The following NELL1 variants were observed in gnomAD, a reference collection of about 807,000 sequenced individuals.
NELL1 encodes neural EGFL like 1.
Under a neutral mutation model 107.4 loss-of-function variants are expected in NELL1, and 76 were observed. The ratio of observed to expected loss-of-function variants is 0.71; its 90% CI spans 0.59 to 0.86. NELL1 has a LOEUF of 0.86. NELL1 is among the 40% of genes least tolerant of loss of function. The pLI is 0.00. For synonymous variants in NELL1, 353 were observed against 341.2 expected, an observed-to-expected ratio of 1.03 and a Z score of -0.38; for missense variants, 1,024 against 1,005.5, an observed-to-expected ratio of 1.02 and a Z score of -0.25.
chr11:21,104,666 C>T (rs1854903871), intron 12 of NELL1, among the ~76,000 whole-genome samples: 1 of 152,166 alleles, frequency 6.6e-6, no homozygotes, highest in South Asian at 2.1e-4. Flanking sequence ...TGGTAATCAA[C>T]ACATCTGCTT....
intron 11 of NELL1, among the ~76,000 whole-genome samples, chr11:20,947,740 T>C (rs550766973): frequency 6.9e-4 from 105 of 152,304 alleles, no homozygotes; most frequent in African/African-American, 2.4e-3. Flanking sequence ...ATAATGCTAA[T>C]GTTAGTTCTT....
chr11:20,885,842 A>ATGATCCTCAAAATGTTGACCTCCCAATTC (rs1222277871), intron 5 of NELL1, among the ~76,000 whole-genome samples: 1 of 152,240 alleles, frequency 6.6e-6, no homozygotes, highest in Non-Finnish European at 1.5e-5. Context: ...CAGAAGGCAA[A>ATGATCCTCAAAATGTTGACCTCCCAATTC]TGATCCTCAA....
At chr11:20,674,497 A>G (rs958993111) in intron 1 of NELL1, 5 of 1,535,994 alleles carry the variant, frequency 3.3e-6, no homozygotes, top group Admixed American at 2.0e-5. Context: ...AGCAGAAGAT[A>G]TGAAGCCACC....
intron 14 of NELL1, among the ~76,000 whole-genome samples, chr11:21,358,962 C>G (rs1490070670): frequency 6.6e-6 from 1 of 151,874 alleles, no homozygotes; most frequent in Non-Finnish European, 1.5e-5. Flanking sequence ...TTTGGATGCC[C>G]TTTATTTCTT....
chr11:21,037,502 G>A (rs1345804183), intron 12 of NELL1, among the ~76,000 whole-genome samples: 1 of 152,022 alleles, frequency 6.6e-6, no homozygotes, highest in Non-Finnish European at 1.5e-5. Flanking sequence ...TTTCTGGTGG[G>A]CAGATAAATT....
intron 12 of NELL1, among the ~76,000 whole-genome samples, chr11:20,996,869 C>T (rs1852101798): frequency 6.6e-6 from 1 of 152,198 alleles, no homozygotes; most frequent in Admixed American, 6.5e-5. Context: ...TCCTTAACAC[C>T]TTTGTTCTCC....
At chr11:21,556,103 A>T (rs142170557) in intron 16 of NELL1, among the ~76,000 whole-genome samples, 185 of 152,068 alleles carry the variant, frequency 1.2e-3, no homozygotes, top group African/African-American at 4.3e-3. Context: ...TGCCACTGTA[A>T]AAAAAGCAAT....
chr11:21,045,694 CT>C (rs1478616544), intron 12 of NELL1, among the ~76,000 whole-genome samples: 1 of 152,104 alleles, frequency 6.6e-6, no homozygotes, highest in Non-Finnish European at 1.5e-5. Context: ...ATTTTCTTGG[CT>C]GTTTTCACCA....
At chr11:21,092,471 A>G (rs1854543676) in intron 12 of NELL1, among the ~76,000 whole-genome samples, 1 of 152,212 alleles carries the variant, frequency 6.6e-6, no homozygotes. Context: ...ATACATGTAA[A>G]GGGTGTAGAA....
At chr11:21,223,975 T>G (rs558394305) in intron 13 of NELL1, among the ~76,000 whole-genome samples, 2 of 152,320 alleles carry the variant, frequency 1.3e-5, no homozygotes, top group East Asian at 1.9e-4. Flanking sequence ...TTTCATCACT[T>G]TAAATGTATC....
chr11:20,735,242 G>C (rs976888595), intron 2 of NELL1, among the ~76,000 whole-genome samples: 5 of 152,160 alleles, frequency 3.3e-5, no homozygotes, highest in African/African-American at 1.2e-4. Flanking sequence ...GCTTGGGAAA[G>C]ATGAGGATTT....
At chr11:20,936,564 C>T (rs528790168) in intron 9 of NELL1, among the ~76,000 whole-genome samples, 3 of 152,274 alleles carry the variant, frequency 2.0e-5, no homozygotes, top group South Asian at 2.1e-4. Flanking sequence ...CCCTCAACAT[C>T]GAAGGGGGTC....
At chr11:21,374,568 A>T (rs1851426770) in intron 15 of NELL1, among the ~76,000 whole-genome samples, 1 of 152,108 alleles carries the variant, frequency 6.6e-6, no homozygotes, top group African/African-American at 2.4e-5. Flanking sequence ...GACTCACTCT[A>T]GCCCACACTC....
chr11:20,725,897 C>CTTCCTTCCTTCAACTCT (rs1855496918), intron 2 of NELL1, among the ~76,000 whole-genome samples: 1 of 152,190 alleles, frequency 6.6e-6, no homozygotes, highest in African/African-American at 2.4e-5. Context: ...TCAACTCTTT[C>CTTCCTTCCTTCAACTCT]TTCCTCCTTC....
At chr11:21,502,670 T>G (rs1296864710) in intron 15 of NELL1, among the ~76,000 whole-genome samples, 1 of 152,180 alleles carries the variant, frequency 6.6e-6, no homozygotes, top group African/African-American at 2.4e-5. Context: ...TTCAGACAGT[T>G]TTTAGCTTTA....
At position 20,708,096 on chromosome 11, in the gene NELL1, T is replaced by G. The variant is rs999106108; in HGVS notation, c.184+30036T>G. Among the ~76,000 whole-genome samples, 5 of 152,342 alleles carry G rather than the reference T, an allele frequency of 3.3e-5. No individual in the cohort carries two copies. In the East Asian group the frequency reaches 9.6e-4, roughly 29 times the overall value. On this transcript the variant is annotated intron_variant, in intron 2 of 19. Transcript: ENST00000357134. ...GCTGCTTTGCAGTTTGATCTCAGAC[T>G]GCTGTGCTAGTGGTGAGTGAGGCTG...
Position 21,560,314 on chromosome 11 carries a change from G to C in NELL1, c.1912G>C (p.Gly638Arg). The C allele has an allele frequency of 1.2e-6, 2 of 1,613,096 alleles. No individual in the cohort carries two copies. The highest frequency in any genetic ancestry group is 8.5e-7 in the Non-Finnish European group (1 of 1,179,524). The change falls in exon 17 of 20, where the codon GGG (glycine) becomes CGG (arginine). Residue 638 changes from glycine to arginine, a missense_variant. Coordinates refer to ENST00000357134, the MANE Select transcript of NELL1 (RefSeq NM_006157.5). ...PSCSGDCPHE[G>R]GLKHNGQVWT... Reference sequence around the variant, plus strand: ...CTGCTCTGGTGACTGTCCTCATGAAGGGGGGCTGAAGCACAATGGCCAGGT... The same window carrying C: ...CTGCTCTGGTGACTGTCCTCATGAACGGGGGCTGAAGCACAATGGCCAGGT...
intron 16 of NELL1, among the ~76,000 whole-genome samples, chr11:21,552,615 A>T (rs934993470): frequency 1.3e-5 from 2 of 151,840 alleles, no homozygotes; most frequent in African/African-American, 4.8e-5. Context: ...AGCCTTACAG[A>T]TCTTTTCAGA....
At chr11:21,107,760 C>T (rs1200888881) in intron 12 of NELL1, among the ~76,000 whole-genome samples, 1 of 152,140 alleles carries the variant, frequency 6.6e-6, no homozygotes, top group African/African-American at 2.4e-5. Context: ...GTGTCAAGAA[C>T]TTTAGAAGTG....
Sources: allele counts gnomAD v4.1 joint callset (sites outside exome capture counted in the v4.1 genomes callset), GRCh38; gene constraint gnomAD v4.1.1; transcripts MANE v1.5; gene names NCBI Gene and HGNC (gene_info 2026-07-23, HGNC 2026-07-21).